SMC2: variants seen among roughly 807,000 people sequenced by gnomAD.
SMC2 encodes the protein structural maintenance of chromosomes 2.
In SMC2, 41 loss-of-function variants were observed where a neutral mutation model predicts 142.6. The ratio of observed to expected loss-of-function variants is 0.29; its 90% CI spans 0.22 to 0.37. SMC2 has a LOEUF of 0.37. Ranked by LOEUF, SMC2 falls within the 10% of genes least tolerant of loss-of-function variation. The pLI is 1.00. For synonymous variants in SMC2, 463 were observed against 457.5 expected (o/e 1.01, Z -0.15); for missense variants, 1,265 against 1,373.7 (o/e 0.92, Z 1.25).
At chr9:104,093,691 T>C (rs1426359850), upstream of SMC2, among the ~76,000 whole-genome samples, 1 of 152,150 alleles carries the variant, frequency 6.6e-6, no homozygotes, top group Non-Finnish European at 1.5e-5. Flanking sequence ...TCGGAACAGC[T>C]CTCGGTAGAC....
At chr9:104,093,153 A>G (rs1830076514), upstream of SMC2, 1 of 152,212 alleles carries the variant, frequency 6.6e-6, no homozygotes. Flanking sequence ...AAAAGGATCA[A>G]GCCATTCCAA....
At chr9:104,127,000 CCATCTACATTA>C (rs1834374616) in intron 19 of SMC2, among the ~76,000 whole-genome samples, 1 of 151,632 alleles carries the variant, frequency 6.6e-6, no homozygotes, top group Admixed American at 6.5e-5. Context: ...TTAGTTGATT[CCATCTACATTA>C]CATCTAACAA....
rs141160131 is a variant in SMC2, at chr9:104,111,614, G to T, written c.1054G>T (p.Val352Phe). The T allele has an allele frequency of 2.5e-6, 4 of 1,613,676 alleles. No homozygotes were observed. In the African/African-American group the frequency reaches 4.0e-5, roughly 16 times the overall value. Residue 352 changes from valine to phenylalanine, a missense_variant, in exon 10 of 25, where the codon GTT becomes TTT. Val to Phe is a conservative substitution (Grantham distance 50, BLOSUM62 -1). This residue lies in a region of SMC2 where 898 missense variants were observed against 904.2 expected (regional missense o/e 0.99). Coordinates refer to ENST00000374793, the MANE Select transcript of SMC2 (RefSeq NM_006444.3). ...AACTTTAGCAGCAAAGGAAAAAGAGGTTAAAAAGATAACAGATGGACTGCA... is the reference window on the plus strand; with the variant it reads ...AACTTTAGCAGCAAAGGAAAAAGAGTTTAAAAAGATAACAGATGGACTGCA... ...SKTLAAKEKE[V>F]KKITDGLHAL... is the part of the protein sequence containing the mutation.
intron 13 of SMC2, among the ~76,000 whole-genome samples, chr9:104,115,751 A>G (rs969740920): frequency 1.3e-5 from 2 of 152,238 alleles, no homozygotes; most frequent in South Asian, 4.1e-4. Flanking sequence ...AGTATATAGT[A>G]TTAATTATAG....
At chr9:104,137,777 T>TAAAATTGTCTATGAAAA (rs1442158857) in intron 23 of SMC2, among the ~76,000 whole-genome samples, 9 of 152,156 alleles carry the variant, frequency 5.9e-5, no homozygotes, top group African/African-American at 2.2e-4. Flanking sequence ...ATGGCAATAT[T>TAAAATTGTCTATGAAAA]AAAATTGTCT....
chr9:104,097,349 G>T (rs1249879869), intron 3 of SMC2, among the ~76,000 whole-genome samples: 1 of 150,952 alleles, frequency 6.6e-6, no homozygotes, highest in African/African-American at 2.4e-5. Context: ...CTCATGATCT[G>T]CCCGCCTTGG....
At position 104,120,160 on chromosome 9, in the gene SMC2, AAAGT is replaced by A; in HGVS notation, c.2132+2_2132+5del. 6.2e-7 allele frequency: 1 copy of A among 1,605,890 alleles called. No homozygotes were observed. The highest frequency in any genetic ancestry group is 8.5e-7 in the Non-Finnish European group (1 of 1,177,644). ...TAGCAGGTCTTAAAAACACTGCTGA[AAAGT>A]AAGAACTGCATATACTTTTTTTAAT... On this transcript the variant is annotated splice_donor_variant and coding_sequence_variant, in exon 16 of 25. Coordinates refer to ENST00000374793, the MANE Select transcript of SMC2 (RefSeq NM_006444.3). LOFTEE classifies it high-confidence loss of function.
At chr9:104,125,932 T>C (rs1389666170) in intron 18 of SMC2, among the ~76,000 whole-genome samples, 1 of 150,812 alleles carries the variant, frequency 6.6e-6, no homozygotes, top group Non-Finnish European at 1.5e-5. Context: ...AAGTATTTTC[T>C]AATGCAGGGG....
intron 16 of SMC2, among the ~76,000 whole-genome samples, chr9:104,120,551 C>T (rs1353100788): frequency 6.6e-6 from 1 of 152,086 alleles, no homozygotes; most frequent in Non-Finnish European, 1.5e-5. Context: ...TGATCAGGTG[C>T]CCACAGTAAG....
At chr9:104,102,395 G>A in intron 8 of SMC2, 29 bp from the exon 9 acceptor site, 2 of 1,569,116 alleles carry the variant, frequency 1.3e-6, no homozygotes, top group East Asian at 2.3e-5. Context: ...TTTTACATAA[G>A]TGATTGAATT....
intron 10 of SMC2, 91 bp from the exon 11 acceptor site, chr9:104,113,225 C>G (rs1391386481): frequency 1.1e-6 from 1 of 923,168 alleles, no homozygotes; most frequent in East Asian, 2.8e-5. Context: ...GTTAAGGTCT[C>G]TTAGTAAAAC....
Position 104,129,928 on chromosome 9 carries a change from T to G in SMC2, c.2991+83T>G, listed in dbSNP as rs139879862. The G allele has an allele frequency of 1.3e-4, 134 of 1,007,124 alleles. 2 individuals carry two copies. The African/African-American group carries it at 2.1e-3, about 15-fold the overall frequency. 62.4% of individuals were successfully genotyped at this position (1,007,124 alleles called of 1,614,324 possible). A position where few individuals can be genotyped will look rare whatever the true frequency, so the allele number is the denominator to read the frequency against. The stretch of plus-strand genomic sequence containing the variant: ...TCTGTATGACCTCTGATGCAATTAT[T>G]AGAGTTAACCTTTTGCAGATGTCCT... On this transcript the variant is annotated intron_variant, in intron 21 of 24. Coordinates refer to ENST00000374793, the MANE Select transcript of SMC2 (RefSeq NM_006444.3).
rs1830438710 is a variant in SMC2, at chr9:104,096,291, A to G, written c.312A>G (p.Thr104=). 6.2e-7 allele frequency: 1 copy of G among 1,614,046 alleles called. No individual in the cohort carries two copies. The highest frequency in any genetic ancestry group is 1.3e-5 in the African/African-American group (1 of 75,070). The part of the protein sequence containing the change: ...GFEVHDEITV[T]RQVVIGGRNK... The stretch of plus-strand genomic sequence containing the variant: ...AGGTTCATGATGAAATCACAGTAAC[A>G]AGGCAGGTGAGTGGCAATTAAACCT... The change falls in exon 3 of 25, where the codon ACA becomes ACG. Residue 104 remains threonine, a synonymous_variant. Coordinates refer to ENST00000374793, the MANE Select transcript of SMC2 (RefSeq NM_006444.3).
chr9:104,106,217 G>A (rs949921752), intron 9 of SMC2, among the ~76,000 whole-genome samples: 1 of 152,118 alleles, frequency 6.6e-6, no homozygotes, highest in African/African-American at 2.4e-5. Flanking sequence ...CCATTATCAT[G>A]TTGCTTGGGC....
At chr9:104,096,124 T>TA (rs1443872292) in intron 2 of SMC2, 24 bp from the exon 3 acceptor site, 67 of 1,605,928 alleles carry the variant, frequency 4.2e-5, no homozygotes, top group Non-Finnish European at 5.4e-5. Context: ...TTGTAATTGT[T>TA]ACACTTTTCA....
chr9:104,101,449 GCTTT>G (rs1244358803), intron 7 of SMC2, among the ~76,000 whole-genome samples: 3 of 152,080 alleles, frequency 2.0e-5, no homozygotes, highest in African/African-American at 7.2e-5. Context: ...TGCCACAATT[GCTTT>G]CTAAATCTAA....
intron 16 of SMC2, among the ~76,000 whole-genome samples, chr9:104,120,916 C>T (rs80195326): frequency 0.057 from 8,624 of 151,896 alleles, 655 homozygotes; most frequent in African/African-American, 0.18. Flanking sequence ...GTTGGAGAAG[C>T]GGATGATAAA....
rs1832706581 is a variant in SMC2 at position 104,113,342 on chromosome 9, A to G, written c.1281A>G (p.Gln427=). Residue 427 remains glutamine, a synonymous_variant, in exon 11 of 25, where the codon CAA becomes CAG. Coordinates refer to ENST00000374793, the MANE Select transcript of SMC2 (RefSeq NM_006444.3). ...KQAQMKLKHA[Q]QELKNKQAEV... ...CTCAGATGAAGTTGAAGCATGCTCA[A>G]CAGGAATTAAAGAATAAACAAGCTG... 3.7e-6 allele frequency: 6 copies of G among 1,609,330 alleles called. No homozygotes were observed. Among genetic ancestry groups the G allele is most frequent in the Non-Finnish European group, 5.1e-6 (6 of 1,178,040 alleles).
intron 17 of SMC2, among the ~76,000 whole-genome samples, chr9:104,124,471 A>G (rs1834054371): frequency 6.6e-6 from 1 of 152,182 alleles, no homozygotes; most frequent in Non-Finnish European, 1.5e-5. Flanking sequence ...GACTTTAATG[A>G]GAAGTTCCCT....
Sources: allele counts gnomAD v4.1 joint callset (sites outside exome capture counted in the v4.1 genomes callset), GRCh38; gene constraint gnomAD v4.1.1; regional missense constraint gnomAD v4.1.1; transcripts MANE v1.5; gene names NCBI Gene and HGNC (gene_info 2026-07-23, HGNC 2026-07-21).